PRPF39: variants seen among roughly 807,000 people sequenced by gnomAD.
PRPF39 encodes the protein pre-mRNA-processing factor 39.
PRPF39 carries 27 observed loss-of-function variants against 82.1 expected under a neutral mutation model. The observed-to-expected ratio is 0.33, with a 90% CI of 0.24 to 0.45. The LOEUF is 0.45. Ranked by LOEUF, PRPF39 falls within the 20% of genes least tolerant of loss-of-function variation. The pLI is 1.00. For synonymous variants in PRPF39, 261 were observed against 256.4 expected, an observed-to-expected ratio of 1.02 and a Z score of -0.17; for missense variants, 581 against 796.9, an observed-to-expected ratio of 0.73 and a Z score of 3.26.
chr14:45,096,822 C>G, intron 3 of PRPF39, 65 bp from the exon 4 acceptor site: 1 of 1,536,634 alleles, frequency 6.5e-7, no homozygotes, highest in Non-Finnish European at 8.8e-7. Flanking sequence ...CCGGATAACA[C>G]AGTGTTGCCT....
chr14:45,091,941 G>C (rs956040325), intron 1 of PRPF39, among the ~76,000 whole-genome samples: 14 of 152,138 alleles, frequency 9.2e-5, no homozygotes, highest in African/African-American at 3.4e-4. Flanking sequence ...TAGGAAGGTG[G>C]CATTTTGTTA....
intron 1 of PRPF39, among the ~76,000 whole-genome samples, chr14:45,087,871 G>C (rs1423296261): frequency 6.6e-6 from 1 of 151,924 alleles, no homozygotes; most frequent in African/African-American, 2.4e-5. Context: ...ACAGGCGTGA[G>C]CCACTGCGCC....
At position 45,114,660 on chromosome 14, in the gene PRPF39, A is replaced by G. The variant is rs150866072; in HGVS notation, c.1953+46A>G. ...TTCTTTGTTCATAGATGTTATTAGC[A>G]TAAATTAGGATAGTTTCTTTTTTTT... On this transcript the variant is annotated intron_variant, in intron 13 of 13. Transcript: ENST00000355765. 148 of 1,561,950 alleles carry G rather than the reference A, an allele frequency of 9.5e-5. No homozygotes were observed. The African/African-American group carries it at 1.8e-3, about 19-fold the overall frequency.
At position 45,114,553 on chromosome 14, in the gene PRPF39, A is replaced by G. The variant is rs777970126; in HGVS notation, c.1892A>G (p.Gln631Arg). The G allele has an allele frequency of 1.2e-6, 2 of 1,607,858 alleles. No homozygotes were observed. Among genetic ancestry groups the G allele is most frequent in the South Asian group, 2.2e-5 (2 of 89,640 alleles). The change falls in exon 13 of 14, where the codon CAG becomes CGG. Residue 631 changes from glutamine to arginine, a missense_variant. By Grantham distance (43) the Gln-to-Arg change is conservative. Coordinates refer to ENST00000355765, the MANE Select transcript of PRPF39 (RefSeq NM_017922.4). ...GAAGATACAACTTCATCATCTACACAGATGATTGATGGTGATTTACAGGCA... is the reference window on the plus strand; with the variant it reads ...GAAGATACAACTTCATCATCTACACGGATGATTGATGGTGATTTACAGGCA... ...HTEDTTSSST[Q>R]MIDGDLQANQ...
chr14:45,112,290 A>AT (rs1302031944), intron 10 of PRPF39, 28 bp from the exon 11 acceptor site: 2 of 1,519,496 alleles, frequency 1.3e-6, no homozygotes, highest in African/African-American at 2.9e-5. Flanking sequence ...TATTTTAGAA[A>AT]TATTCATTGA....
intron 1 of PRPF39, among the ~76,000 whole-genome samples, chr14:45,091,666 G>T (rs1259371314): frequency 1.3e-5 from 2 of 151,970 alleles, no homozygotes; most frequent in African/African-American, 4.8e-5. Flanking sequence ...ATGGGCAAAA[G>T]ATGTGAAAAG....
chr14:45,092,933 C>G (rs911655965), intron 1 of PRPF39, among the ~76,000 whole-genome samples: 2 of 151,772 alleles, frequency 1.3e-5, no homozygotes, highest in Non-Finnish European at 2.9e-5. Flanking sequence ...ATCCAGTCAA[C>G]TTATAGCTGG....
chr14:45,089,171 C>T (rs1321070071), intron 1 of PRPF39, among the ~76,000 whole-genome samples: 1 of 152,160 alleles, frequency 6.6e-6, no homozygotes, highest in Non-Finnish European at 1.5e-5. Context: ...AGTTCACTGC[C>T]AAGTCCAGTA....
intron 12 of PRPF39, 45 bp from the exon 13 acceptor site, chr14:45,114,449 T>TA (rs1594738596): frequency 1.3e-6 from 2 of 1,520,134 alleles, no homozygotes; most frequent in South Asian, 2.7e-5. Flanking sequence ...TTAAAGTTCT[T>TA]ACCTGTGGGA....
At chr14:45,094,397 C>A (rs1397250801) in intron 1 of PRPF39, among the ~76,000 whole-genome samples, 2 of 151,944 alleles carry the variant, frequency 1.3e-5, no homozygotes, top group Admixed American at 1.3e-4. Context: ...GACTGTAAGC[C>A]TTTCTCAAAT....
intron 5 of PRPF39, among the ~76,000 whole-genome samples, chr14:45,104,709 C>T (rs1198716887): frequency 1.3e-5 from 2 of 152,154 alleles, no homozygotes; most frequent in Non-Finnish European, 2.9e-5. Context: ...GAGATAATGT[C>T]TAATTTAAAT....
At chr14:45,084,760 T>G (rs1240931240) in intron 1 of PRPF39, among the ~76,000 whole-genome samples, 1 of 152,220 alleles carries the variant, frequency 6.6e-6, no homozygotes, top group African/African-American at 2.4e-5. Flanking sequence ...CAGGATACTT[T>G]AAAACAGAAA....
intron 5 of PRPF39, 124 bp downstream of exon 5, chr14:45,102,820 G>T: frequency 2.0e-6 from 2 of 997,444 alleles, no homozygotes; most frequent in Non-Finnish European, 2.8e-6. Context: ...AATAAATTTT[G>T]TTGCTAATCA....
chr14:45,113,635 A>G (rs917888290), intron 11 of PRPF39, among the ~76,000 whole-genome samples: 1 of 152,234 alleles, frequency 6.6e-6, no homozygotes, highest in Non-Finnish European at 1.5e-5. Flanking sequence ...TGAGGTAGCA[A>G]ATAACTGCTA....
intron 1 of PRPF39, among the ~76,000 whole-genome samples, chr14:45,089,795 C>A (rs993320602): frequency 2.0e-5 from 3 of 152,118 alleles, no homozygotes; most frequent in Admixed American, 6.5e-5. Context: ...TAAGAATAAA[C>A]TGATAATAAT....
At chr14:45,085,016 TC>T (rs1025317009) in intron 1 of PRPF39, among the ~76,000 whole-genome samples, 3 of 152,196 alleles carry the variant, frequency 2.0e-5, no homozygotes, top group African/African-American at 7.2e-5. Context: ...TTTGAGGACT[TC>T]AGATTATTTA....
Position 45,110,122 on chromosome 14 carries a change from T to C in PRPF39, c.1205T>C (p.Ile402Thr), listed in dbSNP as rs1270845035. The change falls in exon 9 of 14, where the codon ATT (isoleucine) becomes ACT (threonine). Residue 402 changes from isoleucine (I) to threonine (T), a missense_variant. Ile to Thr is a moderately conservative substitution (Grantham distance 89). Transcript: ENST00000355765. This position sits in a 1 kb window ranked among gnomAD's most constrained non-coding sequence, Gnocchi z 4.0. ...KYAKYMENHS[I>T]EGVRHVFSRA... ...GCCAAGTACATGGAAAACCATAGCA[T>C]TGAAGGAGTGAGGCATGTCTTCAGC... is the stretch of plus-strand genomic sequence containing the variant. 1.9e-6 allele frequency: 3 copies of C among 1,613,506 alleles called. No individual in the cohort carries two copies. The highest frequency in any genetic ancestry group is 1.7e-6 in the Non-Finnish European group (2 of 1,179,538).
At chr14:45,096,003 T>TTTA (rs1408075164) in intron 2 of PRPF39, 100 bp from the exon 3 acceptor site, 4 of 1,125,432 alleles carry the variant, frequency 3.6e-6, no homozygotes, top group Non-Finnish European at 3.7e-6. Flanking sequence ...AAGCCTGCCA[T>TTTA]TTATTATTAT....
chr14:45,101,778 G>A (rs563516248), intron 4 of PRPF39, among the ~76,000 whole-genome samples: 7 of 151,650 alleles, frequency 4.6e-5, no homozygotes, highest in Admixed American at 4.6e-4. Flanking sequence ...GAATTGAGAG[G>A]GGCTTTTGAG....
Sources: gnomAD v4.1 joint callset for allele counts (sites outside exome capture counted in the v4.1 genomes callset) on GRCh38, gnomAD v4.1.1 for gene constraint, Gnocchi (gnomAD v3.1) non-coding constraint, MANE v1.5 for transcripts, NCBI Gene and HGNC (gene_info 2026-07-23, HGNC 2026-07-21) for gene names.